Variants in RAB28 observed in about 807,000 individuals in gnomAD.
RAB28 encodes RAB28, member RAS oncogene family.
Under a neutral mutation model 31.7 loss-of-function variants are expected in RAB28, and 24 were observed. The ratio of observed to expected loss-of-function variants is 0.76; its 90% CI spans 0.55 to 1.06. The LOEUF is 1.06. RAB28 is among the 50% of genes least tolerant of loss of function. The pLI, the probability that RAB28 is intolerant of heterozygous loss-of-function variation, is 0.00. For missense variants in RAB28, 254 were observed against 258.5 expected, an observed-to-expected ratio of 0.98 and a Z score of 0.12; for synonymous variants, 100 against 90.4, an observed-to-expected ratio of 1.11 and a Z score of -0.60.
At chr4:13,480,835 G>C (rs1716575310) in intron 1 of RAB28, among the ~76,000 whole-genome samples, 1 of 151,876 alleles carries the variant, frequency 6.6e-6, no homozygotes, top group South Asian at 2.1e-4. Flanking sequence ...TGAGAGATCA[G>C]AATTGAAAAG....
chr4:13,453,828 T>C (rs1715102274), intron 4 of RAB28, among the ~76,000 whole-genome samples: 1 of 152,194 alleles, frequency 6.6e-6, no homozygotes. Flanking sequence ...TAAATCTACT[T>C]CAGGTTCTTT....
Position 13,368,494 on chromosome 4 carries a change from A to T in RAB28, c.*64T>A. 1 of 1,535,924 alleles carries T rather than the reference A, an allele frequency of 6.5e-7. No individual in the cohort carries two copies. Among genetic ancestry groups the T allele is most frequent in the Non-Finnish European group, 8.7e-7 (1 of 1,148,264 alleles). On this transcript the variant is annotated 3_prime_UTR_variant, in exon 7 of 7. Coordinates refer to ENST00000330852, the MANE Select transcript of RAB28 (RefSeq NM_001017979.3). ...GGTCACTGATAAAACAAGTTCCTAGAAGTCCTCGGGCCCACCCAGAGGTGA... is the reference window on the plus strand; with the variant it reads ...GGTCACTGATAAAACAAGTTCCTAGTAGTCCTCGGGCCCACCCAGAGGTGA...
chr4:13,387,404 C>A (rs1438099217), intron 4 of RAB28, among the ~76,000 whole-genome samples: 1 of 151,888 alleles, frequency 6.6e-6, no homozygotes, highest in Non-Finnish European at 1.5e-5. Context: ...TACATTTTCA[C>A]ATATTAGGGA....
chr4:13,412,885 A>G (rs749410002), intron 4 of RAB28, among the ~76,000 whole-genome samples: 3 of 152,140 alleles, frequency 2.0e-5, no homozygotes, highest in Non-Finnish European at 2.9e-5. Context: ...CTGAGCAAAT[A>G]GCTTAAAAAG....
chr4:13,385,305 C>T (rs557771296), intron 4 of RAB28, among the ~76,000 whole-genome samples: 1 of 152,184 alleles, frequency 6.6e-6, no homozygotes, highest in East Asian at 1.9e-4. Flanking sequence ...GAGAATCTCC[C>T]CAACCTAGCT....
chr4:13,371,296 CG>C lies in RAB28; in HGVS notation c.574-2647del, dbSNP rs558428216. On this transcript the variant is annotated intron_variant, in intron 6 of 6. Transcript: ENST00000330852. ...ACCAACTGCCAAATGAGGTATGAAT[CG>C]GGGGGTACATCAGTGAAATATTGTA... 42 of 985,156 alleles carry C rather than the reference CG, an allele frequency of 4.3e-5. No homozygotes were observed. In the African/African-American group the frequency reaches 7.0e-4, roughly 16 times the overall value. The allele number at this position is 985,156 out of a possible 1,614,324, so 61.0% of individuals were successfully genotyped here. A position where few individuals can be genotyped will look rare whatever the true frequency, so the allele number is the denominator to read the frequency against.
At chr4:13,407,943 C>G (rs1712199764) in intron 4 of RAB28, among the ~76,000 whole-genome samples, 1 of 152,168 alleles carries the variant, frequency 6.6e-6, no homozygotes, top group Admixed American at 6.5e-5. Context: ...TCTAAATATA[C>G]AATCATGTCA....
intron 6 of RAB28, chr4:13,369,803 G>A (rs1374863784): frequency 7.1e-7 from 1 of 1,404,492 alleles, no homozygotes; most frequent in Non-Finnish European, 9.6e-7. Flanking sequence ...AGGGAATAAA[G>A]AACAAGATAG....
chr4:13,395,860 C>T (rs1349814129), intron 4 of RAB28, among the ~76,000 whole-genome samples: 1 of 151,924 alleles, frequency 6.6e-6, no homozygotes, highest in Non-Finnish European at 1.5e-5. Context: ...TCACAATGTT[C>T]CTAGTTTCCC....
chr4:13,386,138 C>A (rs913027907), intron 4 of RAB28, among the ~76,000 whole-genome samples: 30 of 151,828 alleles, frequency 2.0e-4, no homozygotes, highest in Non-Finnish European at 4.4e-5. Context: ...CAAGAATACA[C>A]AAGGAACTCA....
chr4:13,407,636 A>T (rs1337956440), intron 4 of RAB28, among the ~76,000 whole-genome samples: 1 of 152,182 alleles, frequency 6.6e-6, no homozygotes, highest in Non-Finnish European at 1.5e-5. Flanking sequence ...CTTCCTATGA[A>T]TGAGCATGGA....
intron 2 of RAB28, among the ~76,000 whole-genome samples, chr4:13,477,671 C>A (rs1307060600): frequency 6.6e-6 from 1 of 150,562 alleles, no homozygotes; most frequent in African/African-American, 2.4e-5. Flanking sequence ...AAGTTTTTTT[C>A]TGGAACTTTG....
At chr4:13,385,996 A>T (rs1319524039) in intron 4 of RAB28, among the ~76,000 whole-genome samples, 1 of 152,186 alleles carries the variant, frequency 6.6e-6, no homozygotes, top group African/African-American at 2.4e-5. Context: ...ACAGACAACA[A>T]AACCAAAAAT....
intron 4 of RAB28, among the ~76,000 whole-genome samples, chr4:13,394,985 T>C (rs190634907): frequency 1.9e-4 from 29 of 152,258 alleles, no homozygotes; most frequent in Non-Finnish European, 3.2e-4. Flanking sequence ...AACTGAGGTT[T>C]AGAATGACTT....
In RAB28 at chr4:13,436,779, C is replaced by A. The variant is rs570498499; in HGVS notation, c.391+23920G>T. 1.8e-4 allele frequency among the ~76,000 whole-genome samples: 27 copies of A among 152,174 alleles called. No homozygotes were observed. The East Asian group carries it at 5.2e-3, about 29-fold the overall frequency. On this transcript the variant is annotated intron_variant, in intron 4 of 6. Coordinates refer to ENST00000330852, the MANE Select transcript of RAB28 (RefSeq NM_001017979.3). ...AATATTGTTAAAATGACCACACGAC[C>A]ATACTACCCAAAGCAATCTACCAGT... is the stretch of plus-strand genomic sequence containing the variant.
chr4:13,440,256 T>C (rs780073186), intron 4 of RAB28, among the ~76,000 whole-genome samples: 8 of 152,126 alleles, frequency 5.3e-5, no homozygotes, highest in Non-Finnish European at 1.2e-4. Context: ...ATTAGAAAAG[T>C]AATAGTTCAA....
At chr4:13,455,094 C>G (rs1715224257) in intron 4 of RAB28, among the ~76,000 whole-genome samples, 2 of 152,146 alleles carry the variant, frequency 1.3e-5, no homozygotes, top group African/African-American at 4.8e-5. Flanking sequence ...GCTAGGTCAG[C>G]CTGGGGATGT....
chr4:13,419,730 T>G lies in RAB28; in HGVS notation c.392-38136A>C, dbSNP rs562804794. On this transcript the variant is annotated intron_variant, in intron 4 of 6. Coordinates refer to ENST00000330852, the MANE Select transcript of RAB28 (RefSeq NM_001017979.3). ...AGAACAAAGACACAATGTACCAAAA[T>G]CTCTGGGACACATTTAAAGCAGTGT... Among the ~76,000 whole-genome samples the G allele has an allele frequency of 5.3e-5, 8 of 152,190 alleles. No individual in the cohort carries two copies. The South Asian group carries it at 1.7e-3, about 32-fold the overall frequency.
chr4:13,431,078 T>C (rs1713783557), intron 4 of RAB28, among the ~76,000 whole-genome samples: 1 of 152,212 alleles, frequency 6.6e-6, no homozygotes. Context: ...CGTCAGCCCA[T>C]GACCACTCAG....
Sources: allele counts gnomAD v4.1 joint callset (sites outside exome capture counted in the v4.1 genomes callset), GRCh38; gene constraint gnomAD v4.1.1; transcripts MANE v1.5; gene names NCBI Gene and HGNC (gene_info 2026-07-23, HGNC 2026-07-21).